PHLPP1: variants seen among roughly 807,000 people sequenced by gnomAD.
The protein encoded by PHLPP1 is PH domain leucine-rich repeat-containing protein phosphatase 1.
PHLPP1 carries 42 observed loss-of-function variants against 117.2 expected under a neutral mutation model. The observed-to-expected ratio is 0.36, with a 90% CI of 0.28 to 0.46. The LOEUF (loss-of-function observed/expected upper bound fraction) is 0.46, where lower values mean the gene tolerates loss of function less well. PHLPP1 is among the 20% of genes least tolerant of loss of function. The pLI is 1.00. For missense variants in PHLPP1, 2,084 were observed against 2,241.9 expected (o/e 0.93, Z 1.42); for synonymous variants, 1,042 against 970.7 (o/e 1.07, Z -1.37).
chr18:62,762,149 A>G (rs1912265146), intron 1 of PHLPP1, among the ~76,000 whole-genome samples: 2 of 151,978 alleles, frequency 1.3e-5, no homozygotes, highest in South Asian at 4.1e-4. Context: ...TTTGTTCTAG[A>G]AAATTGACTG....
At chr18:62,873,095 AT>A (rs1286440447) in intron 4 of PHLPP1, among the ~76,000 whole-genome samples, 6 of 151,792 alleles carry the variant, frequency 4.0e-5, no homozygotes, top group Admixed American at 6.6e-5. Context: ...AAAGTGGTAT[AT>A]TTTGGGGTAG....
chr18:62,729,420 GGCGTGGTGGCTCAT>G (rs1307310262), intron 1 of PHLPP1, among the ~76,000 whole-genome samples: 1 of 152,152 alleles, frequency 6.6e-6, no homozygotes, highest in Non-Finnish European at 1.5e-5. Flanking sequence ...AATGAAGCTG[GGCGTGGTGGCTCAT>G]GCCTGTAATC....
rs371062930 is a variant in PHLPP1, at chr18:62,915,425, A to G, written c.2804+417A>G. Among the ~76,000 whole-genome samples, 16 of 152,322 alleles carry G rather than the reference A, an allele frequency of 1.1e-4. No homozygotes were observed. In the East Asian group the frequency reaches 1.2e-3, roughly 11 times the overall value. On this transcript the variant is annotated intron_variant, in intron 9 of 16. Transcript: ENST00000262719. ...ACTTTAACTTTGACGGGGGAAAAAG[A>G]TGGTTAGGTCATGAAACCTAGAAAG...
intron 14 of PHLPP1, among the ~76,000 whole-genome samples, chr18:62,964,947 A>G (rs561664121): frequency 6.6e-6 from 1 of 152,362 alleles, no homozygotes; most frequent in African/African-American, 2.4e-5. Context: ...ATTGTGTCAC[A>G]TAGTACCATT....
intron 3 of PHLPP1, 158 bp downstream of exon 3, chr18:62,839,067 A>G (rs928991401): frequency 2.9e-6 from 2 of 696,734 alleles, no homozygotes; most frequent in Non-Finnish European, 4.6e-6. Flanking sequence ...TTTAAAAACT[A>G]ATTTTGCCTG....
chr18:62,845,744 A>G (rs1915164846), intron 3 of PHLPP1, among the ~76,000 whole-genome samples: 1 of 152,098 alleles, frequency 6.6e-6, no homozygotes, highest in African/African-American at 2.4e-5. Flanking sequence ...TCCTTTAGGG[A>G]TTGTGCTGTA....
At position 62,716,136 on chromosome 18, in the gene PHLPP1, C is replaced by A; in HGVS notation, c.453C>A (p.Ser151=). 1 of 1,518,830 alleles carries A rather than the reference C, an allele frequency of 6.6e-7. No homozygotes were observed. Among genetic ancestry groups the A allele is most frequent in the Non-Finnish European group, 8.8e-7 (1 of 1,139,664 alleles). The allele number at this position is 1,518,830 out of a possible 1,614,324, so 94.1% of individuals were successfully genotyped here. A position where few individuals can be genotyped will look rare whatever the true frequency, so the allele number is the denominator to read the frequency against. The change falls in exon 1 of 17, where the codon TCC becomes TCA. Residue 151 remains serine, a synonymous_variant. Transcript: ENST00000262719. The surrounding 1 kb of genome is among the most constrained non-coding windows in gnomAD (Gnocchi z 5.7). The part of the protein sequence containing the change: ...SSSSAAAASH[S]PGAAGLPASC... The stretch of plus-strand genomic sequence containing the variant: ...CCTCGGCCGCTGCTGCCTCGCACTC[C>A]CCCGGCGCTGCCGGCCTCCCCGCCT...
intron 12 of PHLPP1, among the ~76,000 whole-genome samples, chr18:62,958,068 C>T (rs1910669054): frequency 6.6e-6 from 1 of 152,062 alleles, no homozygotes; most frequent in Non-Finnish European, 1.5e-5. Context: ...GGATTACAGG[C>T]TTGCGCCACC....
chr18:62,931,251 C>T (rs188204427), intron 10 of PHLPP1, among the ~76,000 whole-genome samples: 2 of 151,490 alleles, frequency 1.3e-5, no homozygotes, highest in East Asian at 1.9e-4. Flanking sequence ...ACAGTTTGGT[C>T]CTCTGATTGA....
Position 62,829,975 on chromosome 18 carries a change from A to G in PHLPP1, c.1577-60A>G, listed in dbSNP as rs946408873. On this transcript the variant is annotated intron_variant, in intron 1 of 16. Coordinates refer to ENST00000262719, the MANE Select transcript of PHLPP1 (RefSeq NM_194449.4). ...TGTCCAATTCATATATCTGCTATGT[A>G]GATGAGTAGGAAAAGGGTCCATTTT... is the stretch of plus-strand genomic sequence containing the variant. 3.3e-6 allele frequency: 4 copies of G among 1,228,002 alleles called. No individual in the cohort carries two copies. The African/African-American group carries it at 4.5e-5, about 14-fold the overall frequency. The allele number at this position is 1,228,002 out of a possible 1,614,324, so 76.1% of individuals were successfully genotyped here.
intron 4 of PHLPP1, among the ~76,000 whole-genome samples, chr18:62,876,472 T>C (rs898450133): frequency 2.6e-5 from 4 of 152,252 alleles, no homozygotes; most frequent in African/African-American, 9.6e-5. Context: ...ATATTTTTTG[T>C]ACTTATCAAT....
In PHLPP1 at chr18:62,979,107, A is replaced by C; in HGVS notation, c.4830A>C (p.Ala1610=). Residue 1610 remains alanine, a synonymous_variant, in exon 17 of 17, where the codon GCA becomes GCC. Transcript: ENST00000262719. ...ATGAGCCAGGTCTGCCCAGGAAGGC[A>C]GACTTCTCTGCCGTTGGGACCATTG... ...NEDEPGLPRK[A]DFSAVGTIGR... The C allele has an allele frequency of 6.2e-7, 1 of 1,613,972 alleles. No individual in the cohort carries two copies. Among genetic ancestry groups the C allele is most frequent in the East Asian group, 2.2e-5 (1 of 44,878 alleles).
chr18:62,846,068 G>A (rs1450149245), intron 3 of PHLPP1, among the ~76,000 whole-genome samples: 3 of 152,030 alleles, frequency 2.0e-5, no homozygotes, highest in Non-Finnish European at 4.4e-5. Context: ...AATTAGCCAG[G>A]CATGGTGGCA....
intron 10 of PHLPP1, among the ~76,000 whole-genome samples, chr18:62,920,969 A>G (rs919887421): frequency 1.3e-5 from 2 of 152,250 alleles, no homozygotes; most frequent in East Asian, 1.9e-4. Context: ...CTTGTATCAT[A>G]CACTAAGCAT....
At chr18:62,936,527 A>G (rs1159045516) in intron 10 of PHLPP1, among the ~76,000 whole-genome samples, 2 of 152,196 alleles carry the variant, frequency 1.3e-5, no homozygotes, top group African/African-American at 4.8e-5. Flanking sequence ...AAAAGAAAAA[A>G]TTATTACTTT....
chr18:62,893,118 C>T lies in PHLPP1; in HGVS notation c.2067-1893C>T, dbSNP rs1314226373. Among the ~76,000 whole-genome samples, 4 of 151,644 alleles carry T rather than the reference C, an allele frequency of 2.6e-5. No homozygotes were observed. The East Asian group carries it at 7.9e-4, about 30-fold the overall frequency. ...GTGCAGAGGCGTGATCTCGGTTCAC[C>T]ACAACCTCTGTCTCCCGGGTTCAAG... On this transcript the variant is annotated intron_variant, in intron 4 of 16. Transcript: ENST00000262719.
chr18:62,873,135 A>G (rs1384247707), intron 4 of PHLPP1, among the ~76,000 whole-genome samples: 1 of 152,152 alleles, frequency 6.6e-6, no homozygotes, highest in Non-Finnish European at 1.5e-5. Context: ...ATAAGGGATG[A>G]TAGAGAGTTC....
intron 14 of PHLPP1, among the ~76,000 whole-genome samples, chr18:62,965,166 C>T (rs903199777): frequency 2.0e-5 from 3 of 152,148 alleles, no homozygotes; most frequent in Non-Finnish European, 4.4e-5. Context: ...GCTTTTCTTA[C>T]CCTTTGGTTT....
chr18:62,818,072 C>A (rs1296252053), intron 1 of PHLPP1, among the ~76,000 whole-genome samples: 3 of 151,896 alleles, frequency 2.0e-5, no homozygotes, highest in African/African-American at 7.3e-5. Context: ...CTAGGATGGT[C>A]TTGATCTCTT....
Sources: gnomAD v4.1 joint callset for allele counts (sites outside exome capture counted in the v4.1 genomes callset) on GRCh38, gnomAD v4.1.1 for gene constraint, Gnocchi (gnomAD v3.1) non-coding constraint, MANE v1.5 for transcripts, NCBI Gene and HGNC (gene_info 2026-07-23, HGNC 2026-07-21) for gene names.